Variants in EFCAB5 observed in about 807,000 individuals in gnomAD.
EFCAB5 encodes EF-hand calcium binding domain 5, also known as EF-hand calcium-binding domain-containing protein 5.
A neutral mutation model predicts 167.9 loss-of-function variants in EFCAB5; 131 were observed. That is an observed-to-expected ratio of 0.78 (90% CI 0.68 to 0.90). The LOEUF (loss-of-function observed/expected upper bound fraction) is 0.90. Ranked by LOEUF, EFCAB5 falls within the 40% of genes least tolerant of loss-of-function variation. EFCAB5 has a pLI of 0.00. For synonymous variants in EFCAB5, 574 were observed against 602.8 expected (o/e 0.95, Z 0.70); for missense variants, 1,663 against 1,745.2 (o/e 0.95, Z 0.84).
upstream of EFCAB5, among the ~76,000 whole-genome samples, chr17:29,937,475 C>T (rs1262251099): frequency 6.6e-6 from 1 of 152,148 alleles, no homozygotes; most frequent in East Asian, 1.9e-4. Flanking sequence ...GCATGAGACA[C>T]TGTGCCCAGC....
chr17:30,089,085 C>T (rs1405930074), intron 19 of EFCAB5, among the ~76,000 whole-genome samples: 1 of 152,072 alleles, frequency 6.6e-6, no homozygotes, highest in African/African-American at 2.4e-5. Context: ...TGCTATCCCT[C>T]CCCCTTCCCT....
chr17:30,083,611 C>A (rs1267112577), intron 18 of EFCAB5, among the ~76,000 whole-genome samples: 1 of 152,196 alleles, frequency 6.6e-6, no homozygotes, highest in Non-Finnish European at 1.5e-5. Context: ...TGCGCCACCA[C>A]GCCAAGCTAA....
chr17:30,043,614 G>A (rs1000799203), intron 8 of EFCAB5, among the ~76,000 whole-genome samples: 1 of 152,184 alleles, frequency 6.6e-6, no homozygotes, highest in African/African-American at 2.4e-5. Context: ...ATTTGTAAAT[G>A]CCATTTACAA....
At chr17:30,071,620 C>A (rs990381592) in intron 14 of EFCAB5, among the ~76,000 whole-genome samples, 47 of 152,096 alleles carry the variant, frequency 3.1e-4, no homozygotes, top group African/African-American at 8.4e-4. Context: ...AACAGAACTA[C>A]CATATGATCT....
intron 4 of EFCAB5, among the ~76,000 whole-genome samples, chr17:29,972,260 A>AG: frequency 7.1e-6 from 1 of 139,994 alleles, no homozygotes; most frequent in Non-Finnish European, 1.5e-5. Flanking sequence ...CGCCTTAGCC[A>AG]GGGTGGTCTC....
intron 7 of EFCAB5, among the ~76,000 whole-genome samples, chr17:30,029,598 G>C (rs1380585147): frequency 6.6e-6 from 1 of 151,130 alleles, no homozygotes; most frequent in African/African-American, 2.4e-5. Context: ...CCTAAAACTG[G>C]AAAGCTAATT....
At position 30,059,551 on chromosome 17, in the gene EFCAB5, CA is replaced by C. The variant is rs1567749691; in HGVS notation, c.2591del (p.Asn864MetfsTer11). The C allele has an allele frequency of 1.2e-6, 2 of 1,603,238 alleles. No individual in the cohort carries two copies. Among genetic ancestry groups the C allele is most frequent in the Non-Finnish European group, 1.7e-6 (2 of 1,174,456 alleles). On this transcript the variant is annotated frameshift_variant, in exon 14 of 23. Coordinates refer to ENST00000394835, the MANE Select transcript of EFCAB5 (RefSeq NM_198529.4). LOFTEE classifies it high-confidence loss of function. ...TATCCTGTTTGTATCCTAGTTTAGC[CA>C]AAATGCTTTCCAAGTCCGACAGAGG... ...EKMNALEQFS[Q>X]NAFQVRQRLL...
intron 7 of EFCAB5, 92 bp from the exon 8 acceptor site, chr17:30,034,138 T>A (rs1168723913): frequency 7.1e-7 from 1 of 1,415,796 alleles, no homozygotes. Flanking sequence ...TTACAGCCAA[T>A]GTATTTCATG....
At chr17:30,063,604 C>T (rs765151314) in intron 14 of EFCAB5, among the ~76,000 whole-genome samples, 1 of 152,166 alleles carries the variant, frequency 6.6e-6, no homozygotes, top group Non-Finnish European at 1.5e-5. Flanking sequence ...AGAAAGCAAA[C>T]CTGCACCCCA....
chr17:30,067,134 G>A (rs1433830673), intron 14 of EFCAB5, among the ~76,000 whole-genome samples: 1 of 152,144 alleles, frequency 6.6e-6, no homozygotes, highest in Non-Finnish European at 1.5e-5. Context: ...AATTGAAGAG[G>A]AGGGAATTCT....
chr17:30,029,900 T>A (rs2069433622), intron 7 of EFCAB5, among the ~76,000 whole-genome samples: 1 of 152,206 alleles, frequency 6.6e-6, no homozygotes, highest in Non-Finnish European at 1.5e-5. Context: ...ATGTGATATT[T>A]ACCACATTCT....
intron 22 of EFCAB5, among the ~76,000 whole-genome samples, chr17:30,096,677 A>ATATATATATATATTTTTT (rs1193558323): frequency 1.7e-5 from 1 of 60,122 alleles, no homozygotes; most frequent in African/African-American, 8.4e-5. Context: ...ATATATATAT[A>ATATATATATATATTTTTT]TTTTTTTTTT....
intron 7 of EFCAB5, among the ~76,000 whole-genome samples, chr17:30,006,484 T>C (rs1208590212): frequency 1.3e-5 from 2 of 152,156 alleles, no homozygotes; most frequent in African/African-American, 4.8e-5. Flanking sequence ...TCTAACTTAA[T>C]TTTTTCCCCC....
intron 16 of EFCAB5, 71 bp downstream of exon 16, chr17:30,080,312 C>A: frequency 6.9e-7 from 1 of 1,456,902 alleles, no homozygotes; most frequent in Non-Finnish European, 9.1e-7. Context: ...AAACTGGCAT[C>A]AAGATCCCAG....
At chr17:30,050,323 CAG>C (rs1267311280) in intron 8 of EFCAB5, among the ~76,000 whole-genome samples, 1 of 152,028 alleles carries the variant, frequency 6.6e-6, no homozygotes, top group Non-Finnish European at 1.5e-5. Context: ...TTAGTAGAGA[CAG>C]GGTTTCTCTG....
Position 30,034,357 on chromosome 17 carries a change from A to G in EFCAB5, c.1172A>G (p.Glu391Gly). The change falls in exon 8 of 23, where the codon GAA becomes GGA. Residue 391 changes from glutamate (E) to glycine (G), a missense_variant. Transcript: ENST00000394835. ...KADMRRQMFA[E>G]LFLHCDHGKV... ...GACATGCGGAGGCAGATGTTCGCTG[A>G]ACTCTTCCTACATTGTGACCACGGG... 2 of 1,608,112 alleles carry G rather than the reference A, an allele frequency of 1.2e-6. No individual in the cohort carries two copies. The highest frequency in any genetic ancestry group is 1.7e-6 in the Non-Finnish European group (2 of 1,176,674).
In EFCAB5 at chr17:29,992,015, A is replaced by G. The variant is rs528097728; in HGVS notation, c.768-1150A>G. ...TTAGCATATCTATCACCTCAAATAC[A>G]TATCATTTTTTTGTGGTGAGAACAT... On this transcript the variant is annotated intron_variant, in intron 4 of 22. Coordinates refer to ENST00000394835, the MANE Select transcript of EFCAB5 (RefSeq NM_198529.4). 1.3e-3 allele frequency among the ~76,000 whole-genome samples: 205 copies of G among 152,334 alleles called. 1 individual carries two copies. The highest frequency in any genetic ancestry group is 4.8e-3 in the African/African-American group (199 of 41,580).
chr17:29,964,865 T>G (rs2067794917), intron 3 of EFCAB5, among the ~76,000 whole-genome samples: 1 of 152,068 alleles, frequency 6.6e-6, no homozygotes, highest in Non-Finnish European at 1.5e-5. Context: ...GCACTACTTT[T>G]TCGAGTTTCT....
At chr17:29,945,096 C>T (rs1263536940) in intron 3 of EFCAB5, among the ~76,000 whole-genome samples, 1 of 152,138 alleles carries the variant, frequency 6.6e-6, no homozygotes, top group African/African-American at 2.4e-5. Context: ...TCTTTCATTA[C>T]AGCTCTTTTA....
Sources: gnomAD v4.1 joint callset for allele counts (sites outside exome capture counted in the v4.1 genomes callset) on GRCh38, gnomAD v4.1.1 for gene constraint, MANE v1.5 for transcripts, NCBI Gene and HGNC (gene_info 2026-07-23, HGNC 2026-07-21) for gene names.